MYO3A: variants seen among roughly 807,000 people sequenced by gnomAD.
The protein encoded by MYO3A is myosin-IIIa.
In MYO3A, 180 loss-of-function variants were observed where a neutral mutation model predicts 192.7. That is an observed-to-expected ratio of 0.93 (90% CI 0.83 to 1.06). MYO3A has a LOEUF of 1.06. MYO3A is among the 50% of genes least tolerant of loss of function. The pLI is 0.00. For missense variants in MYO3A, 1,896 were observed against 1,905.0 expected, an observed-to-expected ratio of 1.00 and a Z score of 0.09; for synonymous variants, 628 against 645.3, an observed-to-expected ratio of 0.97 and a Z score of 0.41.
chr10:26,161,673 C>T (rs1841491549), intron 26 of MYO3A, among the ~76,000 whole-genome samples: 1 of 152,120 alleles, frequency 6.6e-6, no homozygotes, highest in Non-Finnish European at 1.5e-5. Flanking sequence ...ACAATATCTA[C>T]ATTATATATG....
At chr10:26,025,721 A>C (rs761408214) in intron 9 of MYO3A, among the ~76,000 whole-genome samples, 4 of 152,118 alleles carry the variant, frequency 2.6e-5, no homozygotes, top group Non-Finnish European at 5.9e-5. Flanking sequence ...CATTTGTTCA[A>C]ATGCTCCTCC....
At chr10:25,988,141 C>T (rs1388390969) in intron 4 of MYO3A, among the ~76,000 whole-genome samples, 3 of 152,000 alleles carry the variant, frequency 2.0e-5, no homozygotes, top group African/African-American at 4.8e-5. Flanking sequence ...TATTCTCACT[C>T]ATATGTGAGA....
intron 32 of MYO3A, 67 bp from the exon 33 acceptor site, chr10:26,201,198 T>A (rs982688564): frequency 2.1e-5 from 16 of 759,818 alleles, no homozygotes; most frequent in Non-Finnish European, 2.9e-5. Context: ...ATTAAGATTA[T>A]AGTTATATAT....
chr10:26,198,700 C>A (rs1843534954), intron 32 of MYO3A, among the ~76,000 whole-genome samples: 1 of 152,078 alleles, frequency 6.6e-6, no homozygotes, highest in African/African-American at 2.4e-5. Context: ...AGGGGGAGTG[C>A]AATGTGCCTG....
intron 20 of MYO3A, among the ~76,000 whole-genome samples, chr10:26,134,167 G>T (rs139994713): frequency 0.01 from 1,564 of 152,234 alleles, 70 homozygotes; most frequent in Admixed American, 0.069. Context: ...GCTGTAGGGA[G>T]AAATATTCTA....
intron 34 of MYO3A, chr10:26,203,935 A>C (rs979001271): frequency 1.3e-5 from 2 of 152,234 alleles, no homozygotes; most frequent in Non-Finnish European, 2.9e-5. Context: ...GACCTCTTTA[A>C]GCTTCATTTC....
At chr10:26,065,095 GT>G (rs1421401678) in intron 10 of MYO3A, among the ~76,000 whole-genome samples, 1 of 152,196 alleles carries the variant, frequency 6.6e-6, no homozygotes, top group African/African-American at 2.4e-5. Flanking sequence ...AGAGATACCA[GT>G]GAGTTAAGGA....
At chr10:26,124,087 G>T (rs974152351) in intron 18 of MYO3A, among the ~76,000 whole-genome samples, 2 of 151,554 alleles carry the variant, frequency 1.3e-5, no homozygotes, top group Admixed American at 1.3e-4. Flanking sequence ...TGCATGGGAG[G>T]CTGAAGTAGG....
chr10:26,004,307 G>A (rs11014898), intron 6 of MYO3A, among the ~76,000 whole-genome samples: 14,321 of 152,116 alleles, frequency 0.094, 1,179 homozygotes, highest in African/African-American at 0.21. Flanking sequence ...GCCTGATACA[G>A]TCAGGAGATA....
intron 31 of MYO3A, among the ~76,000 whole-genome samples, chr10:26,181,480 G>C (rs967620622): frequency 6.6e-6 from 1 of 152,118 alleles, no homozygotes; most frequent in African/African-American, 2.4e-5. Context: ...ACTGTTTAGC[G>C]TAGAAAGAGC....
At chr10:26,054,420 T>A (rs1301406296) in intron 10 of MYO3A, among the ~76,000 whole-genome samples, 2 of 152,208 alleles carry the variant, frequency 1.3e-5, no homozygotes, top group Non-Finnish European at 2.9e-5. Flanking sequence ...CAAACTGTTT[T>A]TACATACGGT....
chr10:26,067,157 A>T, intron 11 of MYO3A, 83 bp downstream of exon 11: 7 of 870,166 alleles, frequency 8.0e-6, no homozygotes, highest in African/African-American at 1.7e-5. Context: ...TAGAAGGGGA[A>T]GGAATATATA....
At chr10:25,935,159 AG>A (rs1331253999) in intron 1 of MYO3A, among the ~76,000 whole-genome samples, 6 of 152,166 alleles carry the variant, frequency 3.9e-5, no homozygotes, top group African/African-American at 1.4e-4. Context: ...GCATCCGTAA[AG>A]GAGTTTTAAT....
rs139249345 is a variant in MYO3A, at chr10:26,173,773, A to G, written c.3509A>G (p.Lys1170Arg). Residue 1170 changes from lysine (K) to arginine (R), a missense_variant, in exon 30 of 35, where the codon AAA (lysine) becomes AGA (arginine). Lys to Arg is a conservative substitution (Grantham distance 26). Transcript: ENST00000642920. Reference protein sequence around the residue: ...SVSVVKTSTFKPEEETTNAVE... With the variant: ...SVSVVKTSTFRPEEETTNAVE... Reference sequence around the variant, plus strand: ...TCTGTAGTGAAGACTTCCACTTTCAAACCTGAAGAGGAAACCACCAATGCT... The same window carrying G: ...TCTGTAGTGAAGACTTCCACTTTCAGACCTGAAGAGGAAACCACCAATGCT... 7.4e-6 allele frequency: 12 copies of G among 1,614,038 alleles called. No homozygotes were observed. The highest frequency in any genetic ancestry group is 3.3e-5 in the Admixed American group (2 of 60,010).
chr10:26,017,945 G>T (rs58657505), intron 7 of MYO3A, among the ~76,000 whole-genome samples: 2,496 of 150,180 alleles, frequency 0.017, 75 homozygotes, highest in African/African-American at 0.057. Flanking sequence ...TAAGAACCTA[G>T]TTATAATACC....
intron 26 of MYO3A, among the ~76,000 whole-genome samples, chr10:26,159,795 G>A (rs1001373771): frequency 1.3e-5 from 2 of 152,078 alleles, no homozygotes; most frequent in African/African-American, 4.8e-5. Flanking sequence ...TGACTTTTGT[G>A]TTGGCCAATC....
At chr10:26,068,511 T>A (rs146602333) in intron 11 of MYO3A, among the ~76,000 whole-genome samples, 23 of 152,246 alleles carry the variant, frequency 1.5e-4, no homozygotes, top group African/African-American at 5.5e-4. Flanking sequence ...TATTTAAAAT[T>A]CCTGTGACAC....
At chr10:26,038,069 T>A in intron 10 of MYO3A, among the ~76,000 whole-genome samples, 1 of 152,254 alleles carries the variant, frequency 6.6e-6, no homozygotes, top group East Asian at 1.9e-4. Flanking sequence ...TGTGTCTGTT[T>A]TTATGCTAGT....
At chr10:26,026,290 T>A in intron 9 of MYO3A, 87 bp from the exon 10 acceptor site, 1 of 1,471,202 alleles carries the variant, frequency 6.8e-7, no homozygotes, top group Non-Finnish European at 9.4e-7. Flanking sequence ...ATCACTCTCG[T>A]GTGTTAGATT....
Sources: gnomAD v4.1 joint callset for allele counts (sites outside exome capture counted in the v4.1 genomes callset) on GRCh38, gnomAD v4.1.1 for gene constraint, MANE v1.5 for transcripts, NCBI Gene and HGNC (gene_info 2026-07-23, HGNC 2026-07-21) for gene names.